ARHGAP6: variants seen among roughly 807,000 people sequenced by gnomAD.
ARHGAP6 encodes the protein rho GTPase-activating protein 6.
A neutral mutation model predicts 55.7 loss-of-function variants in ARHGAP6; 16 were observed. The observed-to-expected ratio is 0.29, with a 90% CI of 0.19 to 0.44. ARHGAP6 has a LOEUF of 0.44. Ranked by LOEUF, ARHGAP6 falls within the 20% of genes least tolerant of loss-of-function variation. ARHGAP6 has a pLI of 1.00. For missense variants in ARHGAP6, 698 were observed against 808.9 expected (o/e 0.86, Z 1.66); for synonymous variants, 382 against 360.9 (o/e 1.06, Z -0.66).
chrX:11,443,890 C>T (rs776187370), intron 1 of ARHGAP6, among the ~76,000 whole-genome samples: 19 of 110,900 alleles, frequency 1.7e-4, no homozygotes, highest in East Asian at 2.8e-4. Flanking sequence ...ATTGTGCCAC[C>T]GCACTCCAGC....
intron 1 of ARHGAP6, among the ~76,000 whole-genome samples, chrX:11,415,541 G>A (rs764959582): frequency 2.5e-4 from 28 of 112,119 alleles, no homozygotes; most frequent in African/African-American, 8.7e-4. Context: ...GAGGTAAAGT[G>A]AATCAATTCC....
At chrX:11,444,762 A>C (rs760576541) in intron 1 of ARHGAP6, among the ~76,000 whole-genome samples, 1 of 106,119 alleles carries the variant, frequency 9.4e-6, no homozygotes, top group Non-Finnish European at 1.9e-5. Flanking sequence ...AGACTTTTGC[A>C]TACTTATTTT....
intron 1 of ARHGAP6, among the ~76,000 whole-genome samples, chrX:11,535,843 G>T (rs913490236): frequency 8.9e-6 from 1 of 112,034 alleles, no homozygotes; most frequent in African/African-American, 3.3e-5. Context: ...ATTTCCCATT[G>T]TTGCTCTGCA....
chrX:11,237,585 G>A (rs1426707380), intron 2 of ARHGAP6, among the ~76,000 whole-genome samples: 12 of 111,423 alleles, frequency 1.1e-4, no homozygotes, highest in South Asian at 3.8e-4. Flanking sequence ...AGCCTAAAAG[G>A]AAGGTCCTAG....
chrX:11,397,508 T>C lies in ARHGAP6; in HGVS notation c.589-142801A>G, dbSNP rs138702294. On this transcript the variant is annotated intron_variant, in intron 1 of 12. Coordinates refer to ENST00000337414, the MANE Select transcript of ARHGAP6 (RefSeq NM_013427.3). The stretch of plus-strand genomic sequence containing the variant: ...TGTATGGTATAGATAATCCATTATA[T>C]ATACCATCAAACAGGTAGGTGACAA... Among the ~76,000 whole-genome samples the C allele has an allele frequency of 6.5e-4, 73 of 111,906 alleles. 1 individual carries two copies. The East Asian group carries it at 0.017, about 25-fold the overall frequency.
chrX:11,369,433 C>T (rs757521863), intron 1 of ARHGAP6, among the ~76,000 whole-genome samples: 1 of 110,750 alleles, frequency 9.0e-6, no homozygotes, highest in Non-Finnish European at 1.9e-5. Context: ...TCCTAGTTAG[C>T]CATGACTTAG....
At position 11,178,178 on chromosome X, in the gene ARHGAP6, G is replaced by A. The variant is rs368509108; in HGVS notation, c.1551C>T (p.Asp517=). Residue 517 remains aspartate, a synonymous_variant, in exon 8 of 13, where the codon GAC becomes GAT. Coordinates refer to ENST00000337414, the MANE Select transcript of ARHGAP6 (RefSeq NM_013427.3). ...LIYLLPPCNC[D]TLHRLLQFLS... The stretch of plus-strand genomic sequence containing the variant: ...GGAACTGTAGCAGGCGGTGGAGGGT[G>A]TCGCAGTTGCAGGGAGGTAGAAGGT... 5.0e-6 allele frequency: 6 copies of A among 1,209,269 alleles called. No individual in the cohort carries two copies. In the African/African-American group the frequency reaches 1.1e-4, roughly 21 times the overall value.
chrX:11,541,453 A>G (rs1206129604), intron 1 of ARHGAP6, among the ~76,000 whole-genome samples: 4 of 111,809 alleles, frequency 3.6e-5, no homozygotes, highest in African/African-American at 9.8e-5. Context: ...TAGGAAAGGT[A>G]TAATTCCAAG....
chrX:11,358,264 A>G (rs1369470301), intron 1 of ARHGAP6, among the ~76,000 whole-genome samples: 3 of 111,377 alleles, frequency 2.7e-5, no homozygotes, highest in Non-Finnish European at 5.7e-5. Flanking sequence ...ACATTTGTTT[A>G]TTTGTTGATG....
intron 1 of ARHGAP6, among the ~76,000 whole-genome samples, chrX:11,563,282 T>C (rs2051407861): frequency 9.0e-6 from 1 of 111,662 alleles, no homozygotes; most frequent in African/African-American, 3.2e-5. Context: ...AACTGTAATT[T>C]TGTGAGCCAA....
At chrX:11,345,210 A>G (rs2048764250) in intron 1 of ARHGAP6, among the ~76,000 whole-genome samples, 1 of 111,791 alleles carries the variant, frequency 8.9e-6, no homozygotes, top group Non-Finnish European at 1.9e-5. Context: ...CGTTCATACT[A>G]TGCACCAGTG....
chrX:11,413,117 T>C (rs2049706918), intron 1 of ARHGAP6, among the ~76,000 whole-genome samples: 1 of 112,305 alleles, frequency 8.9e-6, no homozygotes, highest in South Asian at 3.7e-4. Context: ...TTCCTGGTTC[T>C]CTGTTCTGTG....
chrX:11,514,788 A>T (rs1304184320), intron 1 of ARHGAP6, among the ~76,000 whole-genome samples: 2 of 109,724 alleles, frequency 1.8e-5, no homozygotes, highest in Non-Finnish European at 3.8e-5. Flanking sequence ...CTGTACAACA[A>T]ATCAACTGAA....
chrX:11,189,174 TA>T (rs1484942459), intron 3 of ARHGAP6, among the ~76,000 whole-genome samples, 190 bp from the exon 4 acceptor site: 1 of 112,267 alleles, frequency 8.9e-6, no homozygotes, highest in Non-Finnish European at 1.9e-5. Flanking sequence ...TAAAGAAAAC[TA>T]GTATTTATAA....
intron 1 of ARHGAP6, among the ~76,000 whole-genome samples, chrX:11,360,165 C>G (rs1182450329): frequency 2.7e-5 from 3 of 111,944 alleles, no homozygotes; most frequent in African/African-American, 9.8e-5. Context: ...ATGAGGCCAG[C>G]ATCATCCTGA....
chrX:11,604,036 A>G (rs943761714), intron 1 of ARHGAP6, among the ~76,000 whole-genome samples: 2 of 111,565 alleles, frequency 1.8e-5, no homozygotes, highest in Non-Finnish European at 3.8e-5. Flanking sequence ...ATGAAAGAGT[A>G]GTAAGTACCT....
intron 1 of ARHGAP6, among the ~76,000 whole-genome samples, chrX:11,604,797 G>T (rs1243976736): frequency 8.9e-6 from 1 of 112,369 alleles, no homozygotes; most frequent in Non-Finnish European, 1.9e-5. Flanking sequence ...GGCCTCAGCT[G>T]ACTCAACAAG....
In ARHGAP6 at chrX:11,435,125, C is replaced by T. The variant is rs191429913; in HGVS notation, c.589-180418G>A. Reference sequence around the variant, plus strand: ...GCTACTGGTATCTACTAGGTAGAGGCCAGATATGCTGCTCAACTTCCTACA... The same window carrying T: ...GCTACTGGTATCTACTAGGTAGAGGTCAGATATGCTGCTCAACTTCCTACA... On this transcript the variant is annotated intron_variant, in intron 1 of 12. Transcript: ENST00000337414. 3.2e-4 allele frequency among the ~76,000 whole-genome samples: 36 copies of T among 111,747 alleles called. No individual in the cohort carries two copies. In the East Asian group the frequency reaches 9.8e-3, roughly 30 times the overall value.
chrX:11,552,555 C>CATATAT (rs59008705), intron 1 of ARHGAP6, among the ~76,000 whole-genome samples: 741 of 12,515 alleles, frequency 0.059, 72 homozygotes, highest in Non-Finnish European at 0.068. Context: ...GAAAATGTGC[C>CATATAT]ATATATATAT....
Sources: allele counts gnomAD v4.1 joint callset (sites outside exome capture counted in the v4.1 genomes callset), GRCh38; gene constraint gnomAD v4.1.1; transcripts MANE v1.5; gene names NCBI Gene and HGNC (gene_info 2026-07-23, HGNC 2026-07-21).